Variants in OSBPL1A observed in about 807,000 individuals in gnomAD.
The protein encoded by OSBPL1A is oxysterol-binding protein-related protein 1.
Under a neutral mutation model 137.1 loss-of-function variants are expected in OSBPL1A, and 80 were observed. The ratio of observed to expected loss-of-function variants is 0.58; its 90% CI spans 0.49 to 0.70. The LOEUF (loss-of-function observed/expected upper bound fraction) is 0.70. Ranked by LOEUF, OSBPL1A falls within the 30% of genes least tolerant of loss-of-function variation. The probability of loss-of-function intolerance (pLI) is 0.00; values close to 1 mark genes in which losing one functional copy is unlikely to be tolerated. For synonymous variants in OSBPL1A, 365 were observed against 389.7 expected, an observed-to-expected ratio of 0.94 and a Z score of 0.75; for missense variants, 970 against 1,129.4, an observed-to-expected ratio of 0.86 and a Z score of 2.02.
chr18:24,308,276 C>T (rs2090544956), intron 13 of OSBPL1A, among the ~76,000 whole-genome samples: 1 of 150,758 alleles, frequency 6.6e-6, no homozygotes, highest in African/African-American at 2.4e-5. Flanking sequence ...CCACCACGTC[C>T]AGCTAATTTT....
Position 24,280,843 on chromosome 18 carries a change from C to T in OSBPL1A, c.1280G>A (p.Gly427Glu), listed in dbSNP as rs947180672. The stretch of plus-strand genomic sequence containing the variant: ...CAAATTCAATTCTGAACTACCTACC[C>T]CTTCTTGTTTGGTGAAGAGATTAAG... ...DCLNLFTKQE[G>E]VRNFKLEQEQ... The change falls in exon 15 of 28, where the codon GGG (glycine) becomes GAG (glutamate). Residue 427 changes from glycine to glutamate, a missense_variant and splice_region_variant. Physicochemically the swap from Gly to Glu is moderately conservative, Grantham distance 98 (BLOSUM62 -2). This residue lies in a region of OSBPL1A where 647 missense variants were observed against 672.6 expected (regional missense o/e 0.96). Transcript: ENST00000319481. The T allele has an allele frequency of 5.1e-6, 8 of 1,576,320 alleles. No homozygotes were observed. The highest frequency in any genetic ancestry group is 4.6e-5 in the East Asian group (2 of 43,452).
rs563088950 is a variant in OSBPL1A, at chr18:24,197,037, A to G, written c.1602-837T>C. Among the ~76,000 whole-genome samples, 18 of 152,320 alleles carry G rather than the reference A, an allele frequency of 1.2e-4. No individual in the cohort carries two copies. The East Asian group carries it at 2.3e-3, about 20-fold the overall frequency. On this transcript the variant is annotated intron_variant, in intron 17 of 27. Transcript: ENST00000319481. ...AGAGGTGCCCAGGCCAACTTTCCAG[A>G]ACACTATTATGAAAGTTTTCCAGTT...
At chr18:24,310,550 C>T (rs1414746911) in intron 13 of OSBPL1A, among the ~76,000 whole-genome samples, 2 of 140,624 alleles carry the variant, frequency 1.4e-5, no homozygotes, top group Non-Finnish European at 3.0e-5. Context: ...TGCAGTGAGC[C>T]GAGATCGCGC....
chr18:24,313,635 ATC>A (rs2090666386), intron 12 of OSBPL1A, among the ~76,000 whole-genome samples: 1 of 152,142 alleles, frequency 6.6e-6, no homozygotes, highest in Admixed American at 6.5e-5. Context: ...CAATCTTACA[ATC>A]TTTAGTTTCC....
chr18:24,362,861 T>G (rs2091645257), intron 4 of OSBPL1A, among the ~76,000 whole-genome samples: 1 of 152,106 alleles, frequency 6.6e-6, no homozygotes, highest in African/African-American at 2.4e-5. Flanking sequence ...AGAAACAAAC[T>G]GAGAGGCAGT....
At chr18:24,340,965 T>G (rs1029086984) in intron 5 of OSBPL1A, among the ~76,000 whole-genome samples, 3 of 152,190 alleles carry the variant, frequency 2.0e-5, no homozygotes, top group African/African-American at 7.2e-5. Context: ...TTTTGTTGAG[T>G]ATTTGAAAAA....
chr18:24,270,763 T>C (rs974841948), intron 15 of OSBPL1A, among the ~76,000 whole-genome samples: 3 of 152,128 alleles, frequency 2.0e-5, no homozygotes, highest in African/African-American at 7.2e-5. Flanking sequence ...TTTTCCTGCC[T>C]ACACACTATT....
At chr18:24,181,861 T>C (rs919629395) in intron 18 of OSBPL1A, among the ~76,000 whole-genome samples, 2 of 152,180 alleles carry the variant, frequency 1.3e-5, no homozygotes, top group Non-Finnish European at 2.9e-5. Context: ...AAAGCTCCCC[T>C]TCCTGCCTTC....
chr18:24,280,432 T>C (rs538572625), intron 15 of OSBPL1A, among the ~76,000 whole-genome samples: 1 of 152,044 alleles, frequency 6.6e-6, no homozygotes, highest in Non-Finnish European at 1.5e-5. Context: ...GGTAAGAGAG[T>C]GAGGGGAAAG....
At chr18:24,348,194 A>G (rs1300893347) in intron 4 of OSBPL1A, among the ~76,000 whole-genome samples, 1 of 152,226 alleles carries the variant, frequency 6.6e-6, no homozygotes, top group East Asian at 1.9e-4. Flanking sequence ...ATAAATGTAT[A>G]TCCACTTAAA....
At chr18:24,182,715 G>A (rs2086639485) in intron 18 of OSBPL1A, among the ~76,000 whole-genome samples, 1 of 152,066 alleles carries the variant, frequency 6.6e-6, no homozygotes, top group Non-Finnish European at 1.5e-5. Flanking sequence ...GGGGAGATGA[G>A]GGAAAACAGG....
intron 2 of OSBPL1A, 110 bp downstream of exon 2, chr18:24,377,303 A>G: frequency 2.3e-6 from 3 of 1,323,074 alleles, no homozygotes; most frequent in South Asian, 1.7e-5. Context: ...TCTTCCTAGC[A>G]TGAGAGATAG....
At chr18:24,194,409 CAT>C (rs1466135463) in intron 18 of OSBPL1A, among the ~76,000 whole-genome samples, 3 of 152,086 alleles carry the variant, frequency 2.0e-5, no homozygotes, top group Non-Finnish European at 4.4e-5. Context: ...TAAGGACATG[CAT>C]ATATACATAT....
At chr18:24,222,684 TA>T (rs1225820011) in intron 17 of OSBPL1A, among the ~76,000 whole-genome samples, 1 of 152,114 alleles carries the variant, frequency 6.6e-6, no homozygotes, top group Non-Finnish European at 1.5e-5. Context: ...GTTCCATGGC[TA>T]AAAAAGAAAT....
intron 16 of OSBPL1A, among the ~76,000 whole-genome samples, chr18:24,227,244 C>T (rs1431405620): frequency 6.6e-6 from 1 of 151,618 alleles, no homozygotes; most frequent in Non-Finnish European, 1.5e-5. Flanking sequence ...TTTTCTTTGT[C>T]AATTTTGGCA....
chr18:24,173,079 C>A (rs2086330543), intron 21 of OSBPL1A, among the ~76,000 whole-genome samples: 1 of 152,106 alleles, frequency 6.6e-6, no homozygotes, highest in Non-Finnish European at 1.5e-5. Context: ...TAAAAAAGAA[C>A]AAGATCATGT....
At chr18:24,334,401 G>A (rs1424338142) in intron 5 of OSBPL1A, 71 bp from the exon 6 acceptor site, 8 of 1,290,096 alleles carry the variant, frequency 6.2e-6, no homozygotes, top group Non-Finnish European at 8.5e-6. Context: ...AAAGAATAAA[G>A]TGATCATGAT....
intron 15 of OSBPL1A, among the ~76,000 whole-genome samples, chr18:24,268,225 C>A (rs2089630486): frequency 6.6e-6 from 1 of 152,158 alleles, no homozygotes; most frequent in Non-Finnish European, 1.5e-5. Context: ...AAGTGATCCT[C>A]CTACCTCAGC....
At chr18:24,258,925 CTTTTTTTT>C (rs543867145) in intron 15 of OSBPL1A, among the ~76,000 whole-genome samples, 4 of 92,728 alleles carry the variant, frequency 4.3e-5, no homozygotes, top group Non-Finnish European at 8.3e-5. Context: ...AAAATTACAT[CTTTTTTTT>C]TTTTTTTTTT....
Sources: gnomAD v4.1 joint callset for allele counts (sites outside exome capture counted in the v4.1 genomes callset) on GRCh38, gnomAD v4.1.1 for gene constraint, gnomAD v4.1.1 regional missense constraint, MANE v1.5 for transcripts, NCBI Gene and HGNC (gene_info 2026-07-23, HGNC 2026-07-21) for gene names.